The following C16orf74 variants were observed in gnomAD, a reference collection of about 807,000 sequenced individuals.
C16orf74 encodes the protein calcimembrin.
C16orf74 carries 10 observed loss-of-function variants against 6.5 expected under a neutral mutation model. That is an observed-to-expected ratio of 1.54 (90% CI 0.95 to 2.61). The LOEUF is 2.61. Among genes scored for constraint, C16orf74 ranks in the 30% most tolerant of loss-of-function variants. The pLI is 0.00. For missense variants in C16orf74, 141 were observed against 105.9 expected (o/e 1.33, Z -1.45); for synonymous variants, 60 against 42.5 (o/e 1.41, Z -1.60).
intron 2 of C16orf74, among the ~76,000 whole-genome samples, chr16:85,716,132 C>G (rs1056978198): frequency 6.6e-6 from 1 of 152,094 alleles, no homozygotes; most frequent in Non-Finnish European, 1.5e-5. Flanking sequence ...ATAAAACACC[C>G]CACGTTTGCA....
intron 2 of C16orf74, among the ~76,000 whole-genome samples, chr16:85,731,055 T>C (rs867492618): frequency 6.6e-6 from 1 of 152,228 alleles, no homozygotes; most frequent in Admixed American, 6.5e-5. Flanking sequence ...CTATTTCTAC[T>C]GGATGGTGTG....
intron 1 of C16orf74, among the ~76,000 whole-genome samples, 153 bp downstream of exon 1, chr16:85,750,773 G>A (rs1292248426): frequency 2.0e-5 from 3 of 152,124 alleles, no homozygotes; most frequent in African/African-American, 7.2e-5. Flanking sequence ...GGGGACGCCC[G>A]GGCCCGCGTG....
At chr16:85,745,139 TAAAAAAAAAAAAAA>T (rs10554549) in intron 1 of C16orf74, among the ~76,000 whole-genome samples, 3 of 50,994 alleles carry the variant, frequency 5.9e-5, no homozygotes, top group Admixed American at 2.7e-4. Context: ...AAACTCTGTC[TAAAAAAAAAAAAAA>T]AAAAAAAAAA....
chr16:85,719,161 T>C (rs1003045454), intron 2 of C16orf74, among the ~76,000 whole-genome samples: 1 of 152,258 alleles, frequency 6.6e-6, no homozygotes, highest in African/African-American at 2.4e-5. Flanking sequence ...ACCCCAGCTC[T>C]GAGCCTGGGC....
chr16:85,710,260 G>T lies in C16orf74; in HGVS notation c.76C>A (p.Pro26Thr). Reference sequence around the variant, plus strand: ...TCCAGGTGCTTGTCGTTCAGGACGGGGGCCTCGTCGTGGCTGCTGCTGCTG... The same window carrying T: ...TCCAGGTGCTTGTCGTTCAGGACGGTGGCCTCGTCGTGGCTGCTGCTGCTG... ...SSSSSSHDEA[P>T]VLNDKHLDVP... Residue 26 changes from proline to threonine, a missense_variant, in exon 3 of 4, where the codon CCC (proline) becomes ACC (threonine). Physicochemically the swap from Pro to Thr is conservative, Grantham distance 38 (BLOSUM62 -1). Transcript: ENST00000284245. The T allele has an allele frequency of 1.3e-6, 2 of 1,513,462 alleles. No homozygotes were observed. The highest frequency in any genetic ancestry group is 1.8e-6 in the Non-Finnish European group (2 of 1,142,472). 93.8% of individuals were successfully genotyped at this position (1,513,462 alleles called of 1,614,324 possible). A position where few individuals can be genotyped will look rare whatever the true frequency, so the allele number is the denominator to read the frequency against.
chr16:85,735,324 T>C (rs1368892508), intron 1 of C16orf74, 89 bp from the exon 2 acceptor site: 30 of 871,132 alleles, frequency 3.4e-5, no homozygotes, highest in Non-Finnish European at 3.2e-5. Flanking sequence ...TTGGCCCTGA[T>C]GAGTGCAAAA....
In C16orf74 at chr16:85,744,917, G is replaced by A. The variant is rs1022527741; in HGVS notation, c.-19+6009C>T. Among the ~76,000 whole-genome samples the A allele has an allele frequency of 7.9e-5, 12 of 151,406 alleles. No homozygotes were observed. In the East Asian group the frequency reaches 1.4e-3, roughly 17 times the overall value. On this transcript the variant is annotated intron_variant, in intron 1 of 3. Coordinates refer to ENST00000284245, the MANE Select transcript of C16orf74 (RefSeq NM_206967.3). Reference sequence around the variant, plus strand: ...ATCACTTTGGGAGGCCGAGGTGGGCGGATCACCTGAGGTTGGGAGTTCAAG... The same window carrying A: ...ATCACTTTGGGAGGCCGAGGTGGGCAGATCACCTGAGGTTGGGAGTTCAAG...
chr16:85,741,108 C>G (rs2054302048), intron 1 of C16orf74, among the ~76,000 whole-genome samples: 1 of 152,214 alleles, frequency 6.6e-6, no homozygotes. Flanking sequence ...AGAGACAGGG[C>G]AGCTCAGTGA....
chr16:85,710,200 TG>T lies in C16orf74; in HGVS notation c.135del (p.Thr46ArgfsTer3). On this transcript the variant is annotated frameshift_variant, in exon 3 of 4. Transcript: ENST00000284245. LOFTEE classifies it high-confidence loss of function. ...AAGTCCCTCGGCAGCATCATGCCCG[TG>T]GGGGTGGGGGGCGTGATGATGATGT... Reference protein sequence around the residue: ...VPDIIITPPTPTGMMLPRDLG... With the variant: ...VPDIIITPPTXTGMMLPRDLG... 1 of 1,489,758 alleles carries T rather than the reference TG, an allele frequency of 6.7e-7. No individual in the cohort carries two copies. 92.3% of individuals were successfully genotyped at this position (1,489,758 alleles called of 1,614,324 possible). A position where few individuals can be genotyped will look rare whatever the true frequency, so the allele number is the denominator to read the frequency against.
intron 2 of C16orf74, among the ~76,000 whole-genome samples, chr16:85,716,277 C>T (rs74220647): frequency 1.6e-5 from 2 of 127,780 alleles, no homozygotes; most frequent in Admixed American, 8.8e-5. Flanking sequence ...GAGGAGAGAA[C>T]GGAGGGAAGG....
chr16:85,723,613 A>C (rs2054104361), intron 2 of C16orf74, among the ~76,000 whole-genome samples: 1 of 152,148 alleles, frequency 6.6e-6, no homozygotes, highest in African/African-American at 2.4e-5. Context: ...TGAAGGGTAC[A>C]CACCCTCCAA....
intron 3 of C16orf74, among the ~76,000 whole-genome samples, chr16:85,709,881 G>A (rs113997296): frequency 0.032 from 4,902 of 151,486 alleles, 271 homozygotes; most frequent in African/African-American, 0.11. Flanking sequence ...TTGGCTGGCC[G>A]GAGCCGCGGC....
chr16:85,739,759 G>C (rs1007764706), intron 1 of C16orf74, among the ~76,000 whole-genome samples: 2 of 152,232 alleles, frequency 1.3e-5, no homozygotes, highest in African/African-American at 4.8e-5. Flanking sequence ...ACGTGATGGT[G>C]TCACTGCACT....
chr16:85,721,498 C>T (rs2152060383), intron 2 of C16orf74, among the ~76,000 whole-genome samples: 1 of 152,264 alleles, frequency 6.6e-6, no homozygotes, highest in Middle Eastern at 3.4e-3. Flanking sequence ...CTCAGGTTAA[C>T]AAATAGTTTT....
intron 2 of C16orf74, among the ~76,000 whole-genome samples, chr16:85,730,948 T>C (rs889137629): frequency 8.6e-5 from 13 of 151,112 alleles, no homozygotes; most frequent in African/African-American, 3.2e-4. Context: ...CTCATTAAAA[T>C]GATGTTTGGA....
At chr16:85,736,852 T>C (rs971785785) in intron 1 of C16orf74, among the ~76,000 whole-genome samples, 1 of 152,136 alleles carries the variant, frequency 6.6e-6, no homozygotes, top group Non-Finnish European at 1.5e-5. Context: ...AAGACCAGCC[T>C]GGCCAACATG....
intron 1 of C16orf74, among the ~76,000 whole-genome samples, chr16:85,737,648 G>C (rs1409221897): frequency 6.6e-6 from 1 of 152,150 alleles, no homozygotes; most frequent in African/African-American, 2.4e-5. Flanking sequence ...TGGCCAACAT[G>C]GTGAAACCCC....
At chr16:85,740,936 C>T (rs1451346090) in intron 1 of C16orf74, among the ~76,000 whole-genome samples, 1 of 151,704 alleles carries the variant, frequency 6.6e-6, no homozygotes, top group East Asian at 1.9e-4. Flanking sequence ...CATAGTGATA[C>T]GCATGAATAC....
intron 1 of C16orf74, among the ~76,000 whole-genome samples, chr16:85,741,301 C>T (rs1218734793): frequency 2.0e-5 from 3 of 152,186 alleles, no homozygotes; most frequent in African/African-American, 7.2e-5. Context: ...GCACCACCTC[C>T]CTGAAGAGGT....
Sources: allele counts gnomAD v4.1 joint callset (sites outside exome capture counted in the v4.1 genomes callset), GRCh38; gene constraint gnomAD v4.1.1; transcripts MANE v1.5; gene names NCBI Gene and HGNC (gene_info 2026-07-23, HGNC 2026-07-21).